DPP6: variants seen among roughly 807,000 people sequenced by gnomAD.
DPP6 encodes the protein dipeptidyl peptidase like 6, also known as A-type potassium channel modulatory protein DPP6.
A neutral mutation model predicts 122.6 loss-of-function variants in DPP6; 69 were observed. The observed-to-expected ratio is 0.56, with a 90% CI of 0.46 to 0.69. DPP6 has a LOEUF of 0.69. Ranked by LOEUF, DPP6 falls within the 30% of genes least tolerant of loss-of-function variation. DPP6 has a pLI of 0.00. For missense variants in DPP6, 928 were observed against 1,116.9 expected (o/e 0.83, Z 2.41); for synonymous variants, 418 against 433.1 (o/e 0.97, Z 0.43).
chr7:154,120,936 C>T (rs1457175830), intron 1 of DPP6, among the ~76,000 whole-genome samples: 2 of 152,154 alleles, frequency 1.3e-5, no homozygotes, highest in Admixed American at 6.5e-5. Context: ...ATAATCCCCA[C>T]AGGTCAAGGG....
At chr7:154,560,633 C>T (rs539365073) in intron 4 of DPP6, among the ~76,000 whole-genome samples, 1 of 152,180 alleles carries the variant, frequency 6.6e-6, no homozygotes, top group East Asian at 1.9e-4. Context: ...CCTGTAATCC[C>T]ATCACTTTGG....
intron 1 of DPP6, among the ~76,000 whole-genome samples, chr7:154,123,704 C>T (rs543940316): frequency 1.3e-5 from 2 of 151,384 alleles, no homozygotes; most frequent in African/African-American, 2.4e-5. Context: ...AAATGTGCCG[C>T]TCGCTCACGG....
chr7:154,178,573 G>T (rs565782516), intron 1 of DPP6, among the ~76,000 whole-genome samples: 102 of 151,978 alleles, frequency 6.7e-4, no homozygotes, highest in African/African-American at 2.4e-3. Flanking sequence ...TGCAACATAG[G>T]CGAGAGCAGT....
intron 1 of DPP6, among the ~76,000 whole-genome samples, chr7:153,987,740 T>C (rs866308993): frequency 5.3e-5 from 8 of 152,026 alleles, no homozygotes; most frequent in African/African-American, 1.9e-4. Flanking sequence ...TCTCCATCTG[T>C]TTCCCCTTGG....
At chr7:154,510,756 T>C (rs184380638) in intron 3 of DPP6, among the ~76,000 whole-genome samples, 1 of 151,096 alleles carries the variant, frequency 6.6e-6, no homozygotes, top group East Asian at 1.9e-4. Context: ...TTGGAGCAAG[T>C]AAGAGGGTAA....
chr7:153,946,047 A>G (rs944789825), intron 1 of DPP6, among the ~76,000 whole-genome samples: 2 of 152,202 alleles, frequency 1.3e-5, no homozygotes, highest in African/African-American at 4.8e-5. Context: ...CTCGTCCATC[A>G]GAGGCACAGA....
At chr7:154,287,409 C>T (rs1186501476) in intron 1 of DPP6, among the ~76,000 whole-genome samples, 2 of 152,222 alleles carry the variant, frequency 1.3e-5, no homozygotes, top group African/African-American at 4.8e-5. Context: ...GGGGTTTGGA[C>T]AAATCCTGCT....
chr7:154,459,622 G>A (rs1821099016), intron 2 of DPP6, among the ~76,000 whole-genome samples: 2 of 151,870 alleles, frequency 1.3e-5, no homozygotes, highest in South Asian at 4.2e-4. Context: ...CTGAGGTCAG[G>A]TGTTTGAGAC....
intron 7 of DPP6, among the ~76,000 whole-genome samples, chr7:154,674,226 G>A (rs1054994745): frequency 2.6e-5 from 4 of 152,154 alleles, no homozygotes; most frequent in African/African-American, 2.4e-5. Flanking sequence ...CCCCGACCAT[G>A]TGTTTGTCTG....
chr7:154,740,760 C>T (rs560434098), intron 8 of DPP6, among the ~76,000 whole-genome samples: 13 of 152,244 alleles, frequency 8.5e-5, no homozygotes, highest in South Asian at 4.1e-4. Context: ...GTGGGTATCT[C>T]GGCCTTTTTG....
intron 1 of DPP6, among the ~76,000 whole-genome samples, chr7:153,949,183 A>G (rs1276213604): frequency 2.0e-5 from 3 of 152,280 alleles, no homozygotes; most frequent in African/African-American, 4.8e-5. Context: ...TGTTGCCCAC[A>G]CTGATGGATG....
chr7:153,976,970 CA>C (rs1185896195), intron 1 of DPP6, among the ~76,000 whole-genome samples: 1 of 152,198 alleles, frequency 6.6e-6, no homozygotes, highest in African/African-American at 2.4e-5. Flanking sequence ...TGGTCCTGCT[CA>C]GGGGATAGCA....
intron 1 of DPP6, among the ~76,000 whole-genome samples, chr7:154,060,504 A>G (rs1801628856): frequency 7.4e-6 from 1 of 134,330 alleles, no homozygotes; most frequent in East Asian, 2.2e-4. Context: ...GATCCTTAGG[A>G]CCCACCTGGA....
intron 1 of DPP6, among the ~76,000 whole-genome samples, chr7:154,234,157 G>A (rs1023507120): frequency 2.0e-5 from 3 of 152,182 alleles, no homozygotes. Context: ...CCTCTCAACA[G>A]GAAGGCAGGT....
At chr7:154,646,021 C>G (rs1239354817) in intron 6 of DPP6, among the ~76,000 whole-genome samples, 1 of 4,432 alleles carries the variant, frequency 2.3e-4, no homozygotes, top group African/African-American at 3.9e-4. Context: ...GAGTGAGACT[C>G]CGTCTCAAAA....
chr7:154,621,879 T>C (rs1436833613), intron 5 of DPP6, among the ~76,000 whole-genome samples: 2 of 152,116 alleles, frequency 1.3e-5, no homozygotes, highest in East Asian at 3.9e-4. Context: ...CCATAGAATG[T>C]CTGGGAAAAG....
At chr7:154,265,892 CAAAAT>C (rs1367742964) in intron 1 of DPP6, among the ~76,000 whole-genome samples, 1 of 151,952 alleles carries the variant, frequency 6.6e-6, no homozygotes, top group Non-Finnish European at 1.5e-5. Flanking sequence ...AAAGATCAGA[CAAAAT>C]AAAGGGAAGA....
chr7:153,862,225 T>C, the DPP6 span, among the ~76,000 whole-genome samples: 1 of 152,052 alleles, frequency 6.6e-6, no homozygotes, highest in Non-Finnish European at 1.5e-5. Context: ...GGAAATGAGA[T>C]TTTTAAAATA....
intron 1 of DPP6, among the ~76,000 whole-genome samples, chr7:154,232,876 A>G (rs1157157920): frequency 6.6e-6 from 1 of 152,230 alleles, no homozygotes; most frequent in East Asian, 1.9e-4. Flanking sequence ...AGGAACGCAG[A>G]TGGAAATAGA....
Sources: allele counts gnomAD v4.1 joint callset (sites outside exome capture counted in the v4.1 genomes callset), GRCh38; gene constraint gnomAD v4.1.1; transcripts MANE v1.5; gene names NCBI Gene and HGNC (gene_info 2026-07-23, HGNC 2026-07-21).